Variants in RNLS observed in about 807,000 individuals in gnomAD.
The protein encoded by RNLS is renalase.
In RNLS, 39 loss-of-function variants were observed where a neutral mutation model predicts 39.8. The ratio of observed to expected loss-of-function variants is 0.98; its 90% CI spans 0.76 to 1.28. RNLS has a LOEUF of 1.28. Ranked by LOEUF, RNLS falls within the 50% of genes most tolerant of loss-of-function variation. The pLI, the probability that RNLS is intolerant of heterozygous loss-of-function variation, is 0.00. For missense variants in RNLS, 410 were observed against 413.3 expected, an observed-to-expected ratio of 0.99 and a Z score of 0.07; for synonymous variants, 147 against 150.7, an observed-to-expected ratio of 0.98 and a Z score of 0.18.
At chr10:88,506,307 T>C (rs970821793) in intron 4 of RNLS, among the ~76,000 whole-genome samples, 3 of 151,940 alleles carry the variant, frequency 2.0e-5, no homozygotes, top group Non-Finnish European at 2.9e-5. Context: ...AAAAGAAAAT[T>C]AAAACTAAGA....
chr10:88,176,049 T>A, the RNLS span, among the ~76,000 whole-genome samples: 2 of 152,254 alleles, frequency 1.3e-5, no homozygotes, highest in African/African-American at 4.8e-5. Context: ...GGTTTCTGTT[T>A]GTGTGGAATA....
the RNLS span, among the ~76,000 whole-genome samples, chr10:88,223,502 A>T: frequency 6.6e-6 from 1 of 152,194 alleles, no homozygotes; most frequent in South Asian, 2.1e-4. Flanking sequence ...TTGAAACACG[A>T]TCTTCATGTT....
rs151090800 is a variant in RNLS, at chr10:88,373,509, A to G, written c.527-10784T>C. On this transcript the variant is annotated intron_variant, in intron 4 of 6. Transcript: ENST00000331772. ...TGTGGAAGCCTACAGCATTTTATTT[A>G]TTTTAAAATTATGCTTTCATAACTA... 2.6e-3 allele frequency among the ~76,000 whole-genome samples: 391 copies of G among 152,258 alleles called. 2 individuals carry two copies. The highest frequency in any genetic ancestry group is 8.9e-3 in the African/African-American group (371 of 41,572).
chr10:88,440,673 C>T (rs1399180854), intron 4 of RNLS, among the ~76,000 whole-genome samples: 2 of 152,188 alleles, frequency 1.3e-5, no homozygotes, highest in African/African-American at 2.4e-5. Context: ...GAGGACTACA[C>T]ACTTCCTTAG....
At chr10:88,338,423 ACATAG>A (rs1847666126) in intron 5 of RNLS, among the ~76,000 whole-genome samples, 2 of 152,250 alleles carry the variant, frequency 1.3e-5, no homozygotes, top group African/African-American at 2.4e-5. Context: ...ACGGTTCTTG[ACATAG>A]CACATGTATG....
rs141458732 is a variant in RNLS at position 88,420,459 on chromosome 10, G to A, written c.527-57734C>T. Among the ~76,000 whole-genome samples, 177 of 152,296 alleles carry A rather than the reference G, an allele frequency of 1.2e-3. 1 individual carries two copies. The highest frequency in any genetic ancestry group is 4.0e-3 in the African/African-American group (167 of 41,562). ...AGAAGTCCAAACTCAAGGTGTTGTA[G>A]GGTCATACTCCTTACAGAGGCTCTA... On this transcript the variant is annotated intron_variant, in intron 4 of 6. Transcript: ENST00000331772.
chr10:88,318,178 C>T (rs1191638912), intron 5 of RNLS, among the ~76,000 whole-genome samples: 1 of 152,212 alleles, frequency 6.6e-6, no homozygotes, highest in Non-Finnish European at 1.5e-5. Context: ...CGAGATTCCC[C>T]ACAAACATAC....
At chr10:88,567,941 A>G (rs1200982896) in intron 4 of RNLS, among the ~76,000 whole-genome samples, 2 of 152,214 alleles carry the variant, frequency 1.3e-5, no homozygotes, top group East Asian at 3.8e-4. Context: ...CAACAAAGTC[A>G]AAAGCTACAG....
chr10:88,335,767 C>T (rs969126019), intron 5 of RNLS, among the ~76,000 whole-genome samples: 1 of 152,156 alleles, frequency 6.6e-6, no homozygotes, highest in African/African-American at 2.4e-5. Flanking sequence ...TCCTGCCAAA[C>T]AAAGCCTCAC....
At chr10:88,273,765 G>A (rs958882117), downstream of RNLS, 2 of 152,010 alleles carry the variant, frequency 1.3e-5, no homozygotes, top group Non-Finnish European at 2.9e-5. Context: ...CTTACTATGC[G>A]AACAGGATGT....
At position 88,285,142 on chromosome 10, in the gene RNLS, G is replaced by A. The variant is rs1843177191; in HGVS notation, c.*212C>T. 4.2e-6 allele frequency: 5 copies of A among 1,180,824 alleles called. No individual in the cohort carries two copies. The highest frequency in any genetic ancestry group is 5.2e-6 in the Non-Finnish European group (5 of 954,498). The allele number at this position is 1,180,824 out of a possible 1,614,324, so 73.1% of individuals were successfully genotyped here. On this transcript the variant is annotated 3_prime_UTR_variant, in exon 7 of 7. Transcript: ENST00000331772. ...TAGTCATAGCAATTCAGAAAAGTAG[G>A]GAAGGTGCAAGGTGTGAGGAATTTC...
intron 4 of RNLS, among the ~76,000 whole-genome samples, chr10:88,459,367 G>A (rs906580486): frequency 4.6e-5 from 7 of 152,082 alleles, no homozygotes; most frequent in Non-Finnish European, 8.8e-5. Context: ...GTTCACTCAA[G>A]AGACCATGCC....
the RNLS span, among the ~76,000 whole-genome samples, chr10:88,267,135 G>A: frequency 1.3e-5 from 2 of 152,044 alleles, no homozygotes; most frequent in African/African-American, 2.4e-5. Context: ...TGGTCTTTGT[G>A]TCTGTTTTGC....
intron 4 of RNLS, among the ~76,000 whole-genome samples, chr10:88,395,219 C>G (rs1195916282): frequency 7.9e-6 from 1 of 125,948 alleles, no homozygotes; most frequent in Non-Finnish European, 1.6e-5. Context: ...AAAAAAGTAT[C>G]AAGAACTTTA....
chr10:88,449,770 T>A (rs1842261777), intron 4 of RNLS, among the ~76,000 whole-genome samples: 1 of 152,180 alleles, frequency 6.6e-6, no homozygotes, highest in Non-Finnish European at 1.5e-5. Flanking sequence ...AAAACTGGCA[T>A]GAGCTTCTAG....
At chr10:88,206,060 T>C in the RNLS span, among the ~76,000 whole-genome samples, 38 of 152,284 alleles carry the variant, frequency 2.5e-4, no homozygotes, top group African/African-American at 8.9e-4. Context: ...GCTCAATAAT[T>C]AACCTTAGCT....
chr10:88,182,854 G>A, the RNLS span, among the ~76,000 whole-genome samples: 26 of 152,038 alleles, frequency 1.7e-4, no homozygotes, highest in African/African-American at 6.3e-4. Flanking sequence ...AATACCATTA[G>A]CAAGTTCAGT....
the RNLS span, among the ~76,000 whole-genome samples, chr10:88,174,412 T>A: frequency 5.3e-5 from 8 of 152,184 alleles, no homozygotes; most frequent in African/African-American, 1.9e-4. Flanking sequence ...ATATATGGTC[T>A]TTATTGTGTG....
chr10:88,270,801 A>G (rs539477796), downstream of RNLS, among the ~76,000 whole-genome samples: 2 of 152,198 alleles, frequency 1.3e-5, no homozygotes, highest in African/African-American at 2.4e-5. Flanking sequence ...CCAACTTCCA[A>G]GTAAATGGAA....
Sources: allele counts gnomAD v4.1 joint callset (sites outside exome capture counted in the v4.1 genomes callset), GRCh38; gene constraint gnomAD v4.1.1; transcripts MANE v1.5; gene names NCBI Gene and HGNC (gene_info 2026-07-23, HGNC 2026-07-21).